The following LPCAT3 variants were observed in gnomAD, a reference collection of about 807,000 sequenced individuals.
LPCAT3 encodes the protein lysophospholipid acyltransferase 5.
In LPCAT3, 21 loss-of-function variants were observed where a neutral mutation model predicts 63.4. That is an observed-to-expected ratio of 0.33 (90% CI 0.23 to 0.48). LPCAT3 has a LOEUF of 0.48. LPCAT3 is among the 20% of genes least tolerant of loss of function. The pLI, the probability that LPCAT3 is intolerant of heterozygous loss-of-function variation, is 0.99. For missense variants in LPCAT3, 451 were observed against 590.6 expected (o/e 0.76, Z 2.45); for synonymous variants, 242 against 227.5 (o/e 1.06, Z -0.58).
chr12:6,982,617 C>T (rs782553501), intron 3 of LPCAT3, 59 bp downstream of exon 3: 1 of 1,297,208 alleles, frequency 7.7e-7, no homozygotes, highest in Non-Finnish European at 1.1e-6. Context: ...CCCCTGCCTA[C>T]CCCTGTCCCC....
intron 1 of LPCAT3, among the ~76,000 whole-genome samples, chr12:7,015,280 G>C (rs1221405435): frequency 6.6e-6 from 1 of 152,188 alleles, no homozygotes; most frequent in Non-Finnish European, 1.5e-5. Context: ...TTGCATTTAG[G>C]GAGGTGTTTT....
At chr12:7,004,794 A>C (rs781818073) in intron 1 of LPCAT3, among the ~76,000 whole-genome samples, 2 of 152,290 alleles carry the variant, frequency 1.3e-5, no homozygotes, top group East Asian at 3.9e-4. Context: ...CCCTGCTCAA[A>C]ATACTCTGGT....
At position 6,987,739 on chromosome 12, in the gene LPCAT3, T is replaced by C. The variant is rs1036558882; in HGVS notation, c.152-4200A>G. On this transcript the variant is annotated intron_variant, in intron 1 of 12. Coordinates refer to ENST00000261407, the MANE Select transcript of LPCAT3 (RefSeq NM_005768.6). The surrounding 1 kb of genome is among the most constrained non-coding windows in gnomAD (Gnocchi z 4.1). Reference sequence around the variant, plus strand: ...TCGAAATTAAAAAACACCACACATATTACTCTGCCTCTTTAAGTTGAATCT... The same window carrying C: ...TCGAAATTAAAAAACACCACACATACTACTCTGCCTCTTTAAGTTGAATCT... 4.0e-5 allele frequency: 16 copies of C among 400,480 alleles called. No homozygotes were observed. Among genetic ancestry groups the C allele is most frequent in the African/African-American group, 2.7e-4 (13 of 48,708 alleles). The allele number at this position is 400,480 out of a possible 1,614,324, so 24.8% of individuals were successfully genotyped here. A position where few individuals can be genotyped will look rare whatever the true frequency, so the allele number is the denominator to read the frequency against.
chr12:6,990,931 A>G (rs1288645029), intron 1 of LPCAT3, among the ~76,000 whole-genome samples: 14 of 151,240 alleles, frequency 9.3e-5, no homozygotes, highest in Non-Finnish European at 8.8e-5. Context: ...AAAAAAAAAA[A>G]AGGAAGAAAA....
Position 6,977,473 on chromosome 12 carries a change from G to C in LPCAT3, c.1241C>G (p.Thr414Ser). ...CAAATAGTAGAAGGGCTGGAGGACA[G>C]TAATGGCGGCCAGCTTGCTCAGGGT... ...SPTLSKLAAITVLQPFYYLVQ... is the reference protein window; with the variant it reads ...SPTLSKLAAISVLQPFYYLVQ... Residue 414 changes from threonine (T) to serine (S), a missense_variant, in exon 11 of 13, where the codon ACT (threonine) becomes AGT (serine). Physicochemically the swap from Thr to Ser is moderately conservative, Grantham distance 58. Transcript: ENST00000261407. This position sits in a 1 kb window ranked among gnomAD's most constrained non-coding sequence, Gnocchi z 4.5. The C allele has an allele frequency of 1.2e-6, 2 of 1,614,240 alleles. No individual in the cohort carries two copies. The highest frequency in any genetic ancestry group is 1.7e-6 in the Non-Finnish European group (2 of 1,180,044).
chr12:7,001,000 C>G (rs1555156467), intron 1 of LPCAT3, among the ~76,000 whole-genome samples: 1 of 152,170 alleles, frequency 6.6e-6, no homozygotes, highest in African/African-American at 2.4e-5. Flanking sequence ...AGCCACTGCG[C>G]CCGGCCGAAA....
intron 1 of LPCAT3, among the ~76,000 whole-genome samples, chr12:7,004,190 G>A (rs372762457): frequency 1.3e-5 from 2 of 151,796 alleles, no homozygotes; most frequent in African/African-American, 4.8e-5. Flanking sequence ...TTTTTTAAAG[G>A]GTCATTTTTC....
chr12:7,016,830 C>T (rs1312558586), intron 1 of LPCAT3, among the ~76,000 whole-genome samples: 2 of 152,190 alleles, frequency 1.3e-5, no homozygotes, highest in African/African-American at 4.8e-5. Context: ...CTGGGTGACA[C>T]TGAGCAAACT....
Position 6,986,566 on chromosome 12 carries a change from C to T in LPCAT3, c.152-3027G>A, listed in dbSNP as rs1010934152. Among the ~76,000 whole-genome samples the T allele has an allele frequency of 2.2e-3, 341 of 151,972 alleles. 1 individual carries two copies. The highest frequency in any genetic ancestry group is 2.5e-3 in the South Asian group (12 of 4,822). ...TTGGGAGGCTGAAGCAGGTGGATCA[C>T]GAGGTCAGGAAATCGAGACCATCCT... On this transcript the variant is annotated intron_variant, in intron 1 of 12. Coordinates refer to ENST00000261407, the MANE Select transcript of LPCAT3 (RefSeq NM_005768.6).
chr12:7,002,733 G>A (rs368718145), intron 1 of LPCAT3, among the ~76,000 whole-genome samples: 8 of 152,234 alleles, frequency 5.3e-5, no homozygotes, highest in Admixed American at 2.6e-4. Flanking sequence ...TTTTCTGGCC[G>A]GGCGCAGTGG....
intron 1 of LPCAT3, among the ~76,000 whole-genome samples, chr12:6,992,043 T>A (rs1372302990): frequency 6.6e-6 from 1 of 151,772 alleles, no homozygotes; most frequent in Non-Finnish European, 1.5e-5. Context: ...AATACAAAAA[T>A]TAGCTGGGTG....
chr12:6,992,941 G>A (rs915857323), intron 1 of LPCAT3, among the ~76,000 whole-genome samples: 1 of 151,960 alleles, frequency 6.6e-6, no homozygotes, highest in Admixed American at 6.6e-5. Flanking sequence ...TAATGTAAAT[G>A]CAATGCAAAT....
intron 12 of LPCAT3, 92 bp from the exon 13 acceptor site, chr12:6,976,983 A>G (rs1591710132): frequency 1.6e-6 from 1 of 620,998 alleles, no homozygotes; most frequent in East Asian, 2.6e-5. Context: ...ATGCCTCAAT[A>G]AGTCACAGTA....
Position 6,978,412 on chromosome 12 carries a change from G to A in LPCAT3, c.969C>T (p.Leu323=). ...CAGTGAAGCGGGGGTTTGTTTCAAAGAGCCACACCTTCATGTTGGCACAGG... is the reference window on the plus strand; with the variant it reads ...CAGTGAAGCGGGGGTTTGTTTCAAAAAGCCACACCTTCATGTTGGCACAGG... ...WDACANMKVW[L]FETNPRFTGT... The change falls in exon 9 of 13, where the codon CTC becomes CTT. Residue 323 remains leucine (L), a synonymous_variant. Transcript: ENST00000261407. The A allele has an allele frequency of 6.2e-7, 1 of 1,614,120 alleles. No individual in the cohort carries two copies. The highest frequency in any genetic ancestry group is 8.5e-7 in the Non-Finnish European group (1 of 1,180,014).
intron 1 of LPCAT3, among the ~76,000 whole-genome samples, chr12:6,985,445 G>A (rs1946513945): frequency 6.6e-6 from 1 of 151,928 alleles, no homozygotes; most frequent in Non-Finnish European, 1.5e-5. Context: ...TGGTGCAGTG[G>A]CTCACGCCTG....
At position 6,983,546 on chromosome 12, in the gene LPCAT3, G is replaced by A. The variant is rs781829217; in HGVS notation, c.152-7C>T. The A allele has an allele frequency of 2.6e-6, 4 of 1,552,296 alleles. No homozygotes were observed. The East Asian group carries it at 9.0e-5, about 35-fold the overall frequency. On this transcript the variant is annotated splice_region_variant and splice_polypyrimidine_tract_variant and intron_variant, in intron 1 of 12. Transcript: ENST00000261407. ...AACAAAGCAAAGGGGTAACCTAGAT[G>A]GGGGAAAAGATAAGAAGAGTGTTAT...
intron 1 of LPCAT3, among the ~76,000 whole-genome samples, chr12:7,009,200 T>G (rs1252147583): frequency 2.0e-5 from 3 of 152,216 alleles, no homozygotes; most frequent in Non-Finnish European, 4.4e-5. Flanking sequence ...TAGCTGGGAC[T>G]ACAGGCATGT....
At chr12:7,006,846 A>G (rs1169172318) in intron 1 of LPCAT3, among the ~76,000 whole-genome samples, 1 of 152,204 alleles carries the variant, frequency 6.6e-6, no homozygotes, top group East Asian at 1.9e-4. Flanking sequence ...GTAGTGTCCA[A>G]GTCCATCTGA....
At position 6,981,599 on chromosome 12, in the gene LPCAT3, T is replaced by C; in HGVS notation, c.494A>G (p.Asp165Gly). The C allele has an allele frequency of 1.2e-6, 2 of 1,614,096 alleles. No homozygotes were observed. The highest frequency in any genetic ancestry group is 1.7e-6 in the Non-Finnish European group (2 of 1,179,976). ...LAVDYFDGGK[D>G]QNSLSSEQQK... Reference sequence around the variant, plus strand: ...TGCCGATGAATGGGTACTTACCTGATCTTTCCCTCCGTCAAAGTAGTCAAC... The same window carrying C: ...TGCCGATGAATGGGTACTTACCTGACCTTTCCCTCCGTCAAAGTAGTCAAC... The change falls in exon 5 of 13, where the codon GAT becomes GGT. Residue 165 changes from aspartate to glycine, a missense_variant. Asp to Gly is a moderately conservative substitution (Grantham distance 94). This residue lies in a region of LPCAT3 where 304 missense variants were observed against 390.8 expected (regional missense o/e 0.78). Transcript: ENST00000261407.
Sources: allele counts gnomAD v4.1 joint callset (sites outside exome capture counted in the v4.1 genomes callset), GRCh38; gene constraint gnomAD v4.1.1; regional missense constraint gnomAD v4.1.1; non-coding constraint Gnocchi (gnomAD v3.1); transcripts MANE v1.5; gene names NCBI Gene and HGNC (gene_info 2026-07-23, HGNC 2026-07-21).